The following CALR variants were observed in gnomAD, a reference collection of about 807,000 sequenced individuals.
The protein encoded by CALR is CRP55.
A neutral mutation model predicts 51.1 loss-of-function variants in CALR; 15 were observed. That is an observed-to-expected ratio of 0.29 (90% CI 0.20 to 0.45). CALR has a LOEUF of 0.45. Ranked by LOEUF, CALR falls within the 20% of genes least tolerant of loss-of-function variation. The pLI is 1.00. For synonymous variants in CALR, 239 were observed against 205.9 expected, an observed-to-expected ratio of 1.16 and a Z score of -1.38; for missense variants, 477 against 530.6, an observed-to-expected ratio of 0.90 and a Z score of 0.99.
In CALR at chr19:12,944,170, C is replaced by T; in HGVS notation, c.*257C>T. On this transcript the variant is annotated 3_prime_UTR_variant, in exon 9 of 9. Transcript: ENST00000316448. ...ACCCCTGGTTCTCATCTTTCTTGAT[C>T]AACATCTTTTCTTGCCTCTGTCCCC... 1.8e-6 allele frequency: 1 copy of T among 568,246 alleles called. No individual in the cohort carries two copies. The highest frequency in any genetic ancestry group is 2.1e-5 in the South Asian group (1 of 48,004). 35.2% of individuals were successfully genotyped at this position (568,246 alleles called of 1,614,324 possible).
intron 7 of CALR, among the ~76,000 whole-genome samples, chr19:12,941,935 C>T (rs1164529245): frequency 6.6e-6 from 1 of 152,060 alleles, no homozygotes; most frequent in African/African-American, 2.4e-5. Flanking sequence ...GGCGAGATGT[C>T]ATGCATACCT....
intron 7 of CALR, chr19:12,943,194 C>T: frequency 3.0e-6 from 1 of 332,930 alleles, no homozygotes; most frequent in South Asian, 2.5e-5. Context: ...ACATCATTCT[C>T]CTGTCTCAGC....
Position 12,940,336 on chromosome 19 carries a change from T to C in CALR, c.586T>C (p.Leu196=). ...CAACAGCCAGGTGGAGTCCGGCTCCTTGGAAGACGATTGGGACTTCCTGCC... is the reference window on the plus strand; with the variant it reads ...CAACAGCCAGGTGGAGTCCGGCTCCCTGGAAGACGATTGGGACTTCCTGCC... ...IDNSQVESGS[L]EDDWDFLPPK... Residue 196 remains leucine, a synonymous_variant, in exon 5 of 9, where the codon TTG becomes CTG. Transcript: ENST00000316448. 4 of 1,614,174 alleles carry C rather than the reference T, an allele frequency of 2.5e-6. No individual in the cohort carries two copies. Among genetic ancestry groups the C allele is most frequent in the Non-Finnish European group, 2.5e-6 (3 of 1,180,016 alleles).
chr19:12,942,962 C>A (rs918678697), intron 7 of CALR, among the ~76,000 whole-genome samples: 6 of 152,094 alleles, frequency 3.9e-5, no homozygotes, highest in Admixed American at 3.9e-4. Context: ...CACTATGTTG[C>A]CCAGGTTGGT....
At position 12,940,384 on chromosome 19, in the gene CALR, G is replaced by C; in HGVS notation, c.634G>C (p.Asp212His). 2 of 1,614,208 alleles carry C rather than the reference G, an allele frequency of 1.2e-6. No individual in the cohort carries two copies. Among genetic ancestry groups the C allele is most frequent in the Non-Finnish European group, 1.7e-6 (2 of 1,180,040 alleles). ...FLPPKKIKDP[D>H]ASKPEDWDER... ...GCCACCCAAGAAGATAAAGGATCCT[G>C]ATGCTTCAAAACCGGAAGACTGGGA... is the stretch of plus-strand genomic sequence containing the variant. The change falls in exon 5 of 9, where the codon GAT becomes CAT. Residue 212 changes from aspartate (D) to histidine (H), a missense_variant. Asp to His is a moderately conservative substitution (Grantham distance 81). Coordinates refer to ENST00000316448, the MANE Select transcript of CALR (RefSeq NM_004343.4).
chr19:12,939,184 A>G lies in CALR; in HGVS notation c.142A>G (p.Lys48Glu). Residue 48 changes from lysine (K) to glutamate (E), a missense_variant, in exon 2 of 9, where the codon AAA (lysine) becomes GAA (glutamate). Physicochemically the swap from Lys to Glu is moderately conservative, Grantham distance 56 (BLOSUM62 1). Coordinates refer to ENST00000316448, the MANE Select transcript of CALR (RefSeq NM_004343.4). ...ATCCAAACACAAGTCAGATTTTGGCAAATTCGTTCTCAGTTCCGGCAAGTT... is the reference window on the plus strand; with the variant it reads ...ATCCAAACACAAGTCAGATTTTGGCGAATTCGTTCTCAGTTCCGGCAAGTT... ...IESKHKSDFG[K>E]FVLSSGKFYG... is the part of the protein sequence containing the mutation. The G allele has an allele frequency of 1.9e-6, 3 of 1,612,290 alleles. No homozygotes were observed. The highest frequency in any genetic ancestry group is 2.5e-6 in the Non-Finnish European group (3 of 1,179,230).
Position 12,940,939 on chromosome 19 carries a change from A to G in CALR, c.960+52A>G, listed in dbSNP as rs1374244017. ...CCCTGGGGTACCTCAAGTGCATAAG[A>G]TCACCCAAGAGGAAAGGGACAGGGT... On this transcript the variant is annotated intron_variant, in intron 7 of 8. Transcript: ENST00000316448. 3.8e-6 allele frequency: 6 copies of G among 1,587,456 alleles called. No homozygotes were observed. The Admixed American group carries it at 1.0e-4, about 26-fold the overall frequency.
Position 12,943,527 on chromosome 19 carries a change from C to T in CALR, c.961-10C>T, listed in dbSNP as rs900974746. The T allele has an allele frequency of 1.7e-5, 28 of 1,612,712 alleles. No individual in the cohort carries two copies. The highest frequency in any genetic ancestry group is 2.3e-5 in the Non-Finnish European group (27 of 1,178,818). On this transcript the variant is annotated splice_polypyrimidine_tract_variant and intron_variant, in intron 7 of 8. Coordinates refer to ENST00000316448, the MANE Select transcript of CALR (RefSeq NM_004343.4). ...ATCACCTCTGACCATCCTTCCCATTCATCCTCCAGGTCAAGTCTGGCACCA... is the reference window on the plus strand; with the variant it reads ...ATCACCTCTGACCATCCTTCCCATTTATCCTCCAGGTCAAGTCTGGCACCA...
At position 12,940,848 on chromosome 19, in the gene CALR, C is replaced by T. The variant is rs753701190; in HGVS notation, c.921C>T (p.Ala307=). The T allele has an allele frequency of 1.2e-6, 2 of 1,614,140 alleles. No individual in the cohort carries two copies. The highest frequency in any genetic ancestry group is 1.7e-6 in the Non-Finnish European group (2 of 1,180,002). Residue 307 remains alanine, a synonymous_variant, in exon 7 of 9, where the codon GCC becomes GCT. Transcript: ENST00000316448. ...ATTCTCCCGATCCCAGTATCTATGC[C>T]TATGATAACTTTGGCGTGCTGGGCC... ...PEYSPDPSIY[A]YDNFGVLGLD... is the part of the protein sequence containing the mutation.
At position 12,940,336 on chromosome 19, in the gene CALR, T is replaced by G. The variant is rs775169572; in HGVS notation, c.586T>G (p.Leu196Val). The G allele has an allele frequency of 1.4e-5, 23 of 1,614,056 alleles. No individual in the cohort carries two copies. The highest frequency in any genetic ancestry group is 1.6e-5 in the Non-Finnish European group (19 of 1,180,024). The change falls in exon 5 of 9, where the codon TTG (leucine) becomes GTG (valine). Residue 196 changes from leucine to valine, a missense_variant. Physicochemically the swap from Leu to Val is conservative, Grantham distance 32 (BLOSUM62 1). Transcript: ENST00000316448. The part of the protein sequence containing the change: ...IDNSQVESGS[L>V]EDDWDFLPPK... ...CAACAGCCAGGTGGAGTCCGGCTCC[T>G]TGGAAGACGATTGGGACTTCCTGCC...
chr19:12,940,017 G>A (rs1283597507), intron 3 of CALR, 36 bp from the exon 4 acceptor site: 1 of 1,437,918 alleles, frequency 7.0e-7, no homozygotes, highest in Admixed American at 1.7e-5. Flanking sequence ...ATGATGGGTA[G>A]TCTCTGACTC....
chr19:12,944,248 C>G lies in CALR; in HGVS notation c.*335C>G. The G allele has an allele frequency of 2.2e-6, 1 of 452,270 alleles. No homozygotes were observed. The highest frequency in any genetic ancestry group is 2.3e-5 in the South Asian group (1 of 43,782). 28.0% of individuals were successfully genotyped at this position (452,270 alleles called of 1,614,324 possible). A position where few individuals can be genotyped will look rare whatever the true frequency, so the allele number is the denominator to read the frequency against. On this transcript the variant is annotated 3_prime_UTR_variant, in exon 9 of 9. Coordinates refer to ENST00000316448, the MANE Select transcript of CALR (RefSeq NM_004343.4). ...CCTGGGGGGCAGTGGTGTGGAGAAG[C>G]CACAGGCCTGAGATTTCATCTGCTC...
chr19:12,939,919 T>C (rs1215563351), intron 3 of CALR, 134 bp from the exon 4 acceptor site: 2 of 762,218 alleles, frequency 2.6e-6, no homozygotes, highest in Non-Finnish European at 4.6e-6. Context: ...CAGGACAGAA[T>C]CAGGGTCTGA....
Position 12,940,072 on chromosome 19 carries a change from T to C in CALR, c.417T>C (p.Pro139=), listed in dbSNP as rs768938212. 41 of 1,613,948 alleles carry C rather than the reference T, an allele frequency of 2.5e-5. No individual in the cohort carries two copies. In the South Asian group the frequency reaches 3.4e-4, roughly 13 times the overall value. ...ACCTAGGTCCCGACATCTGTGGCCC[T>C]GGCACCAAGAAGGTTCATGTCATCT... ...NIMFGPDICG[P]GTKKVHVIFN... is the part of the protein sequence containing the mutation. Residue 139 remains proline (P), a synonymous_variant, in exon 4 of 9, where the codon CCT becomes CCC. Transcript: ENST00000316448.
At chr19:12,940,027 CTT>C in intron 3 of CALR, 24 bp from the exon 4 acceptor site, 1 of 1,544,882 alleles carries the variant, frequency 6.5e-7, no homozygotes, top group Non-Finnish European at 9.0e-7. Flanking sequence ...GTCTCTGACT[CTT>C]AACTGGATCT....
rs878975696 is a variant in CALR at position 12,940,538 on chromosome 19, C to G, written c.703-3C>G. On this transcript the variant is annotated splice_polypyrimidine_tract_variant and splice_region_variant and intron_variant, in intron 5 of 8. Coordinates refer to ENST00000316448, the MANE Select transcript of CALR (RefSeq NM_004343.4). ...AACTCTGATCTCTTCATCTACCCCC[C>G]AGGACTGGGACAAGCCCGAGCATAT... is the stretch of plus-strand genomic sequence containing the variant. The G allele has an allele frequency of 1.9e-6, 3 of 1,613,988 alleles. No homozygotes were observed. The highest frequency in any genetic ancestry group is 8.5e-7 in the Non-Finnish European group (1 of 1,179,878).
intron 7 of CALR, among the ~76,000 whole-genome samples, chr19:12,941,901 G>A (rs1027871567): frequency 1.3e-5 from 2 of 152,040 alleles, no homozygotes; most frequent in African/African-American, 4.8e-5. Context: ...ACCATGCCTA[G>A]CCTCTACAAA....
chr19:12,940,827 T>A lies in CALR; in HGVS notation c.900T>A (p.Ser300=), dbSNP rs1188855431. 2.5e-6 allele frequency: 4 copies of A among 1,614,066 alleles called. No homozygotes were observed. The highest frequency in any genetic ancestry group is 1.1e-5 in the South Asian group (1 of 91,068). ...IHPEIDNPEY[S]PDPSIYAYDN... ...CAGAAATTGACAACCCCGAGTATTC[T>A]CCCGATCCCAGTATCTATGCCTATG... The change falls in exon 7 of 9, where the codon TCT becomes TCA. Residue 300 remains serine (S), a synonymous_variant. Transcript: ENST00000316448.
intron 2 of CALR, 70 bp from the exon 3 acceptor site, chr19:12,939,358 C>A (rs998837499): frequency 1.8e-5 from 28 of 1,525,452 alleles, no homozygotes; most frequent in Admixed American, 5.1e-5. Flanking sequence ...GGGGAGTCTT[C>A]TCTATTCTCT....
Sources: gnomAD v4.1 joint callset for allele counts (sites outside exome capture counted in the v4.1 genomes callset) on GRCh38, gnomAD v4.1.1 for gene constraint, MANE v1.5 for transcripts, NCBI Gene and HGNC (gene_info 2026-07-23, HGNC 2026-07-21) for gene names.